The following LRFN2 variants were observed in gnomAD, a reference collection of about 807,000 sequenced individuals.
The protein encoded by LRFN2 is leucine rich repeat and fibronectin type III domain containing 2.
In LRFN2, 18 loss-of-function variants were observed where a neutral mutation model predicts 37.3. That is an observed-to-expected ratio of 0.48 (90% confidence interval 0.33 to 0.72). The LOEUF (loss-of-function observed/expected upper bound fraction) is 0.72. Ranked by LOEUF, LRFN2 falls within the 30% of genes least tolerant of loss-of-function variation. The pLI is 0.02. For synonymous variants in LRFN2, 556 were observed against 466.6 expected, an observed-to-expected ratio of 1.19 and a Z score of -2.47; for missense variants, 1,006 against 1,060.7, an observed-to-expected ratio of 0.95 and a Z score of 0.72.
chr6:40,442,002 C>T (rs1411407253), intron 1 of LRFN2, among the ~76,000 whole-genome samples: 2 of 152,190 alleles, frequency 1.3e-5, no homozygotes, highest in Non-Finnish European at 2.9e-5. Context: ...TTCTCCCTCA[C>T]CCAAGGACTT....
chr6:40,511,308 T>A (rs1036397086), intron 1 of LRFN2, among the ~76,000 whole-genome samples: 3 of 152,200 alleles, frequency 2.0e-5, no homozygotes, highest in African/African-American at 7.2e-5. Context: ...CAGATGCCTT[T>A]GATTAGAAGA....
chr6:40,560,231 G>A (rs750515507), intron 1 of LRFN2, among the ~76,000 whole-genome samples: 4 of 152,026 alleles, frequency 2.6e-5, no homozygotes, highest in Non-Finnish European at 5.9e-5. Flanking sequence ...AGCCACCAAC[G>A]CCTGCACCCA....
chr6:40,447,214 A>C (rs899062633), intron 1 of LRFN2, among the ~76,000 whole-genome samples: 4 of 152,230 alleles, frequency 2.6e-5, no homozygotes, highest in Non-Finnish European at 2.9e-5. Flanking sequence ...AAGTATTTCT[A>C]CTTTTTCTAT....
At chr6:40,514,152 A>C (rs1470149785) in intron 1 of LRFN2, among the ~76,000 whole-genome samples, 1 of 152,124 alleles carries the variant, frequency 6.6e-6, no homozygotes, top group Non-Finnish European at 1.5e-5. Context: ...CCTGAACAGC[A>C]TTCCCAAGGA....
chr6:40,498,598 C>T (rs1473441423), intron 1 of LRFN2, among the ~76,000 whole-genome samples: 1 of 152,210 alleles, frequency 6.6e-6, no homozygotes, highest in African/African-American at 2.4e-5. Flanking sequence ...CAAGGACACT[C>T]GTTCTCACAC....
rs1763513826 is a variant in LRFN2 at position 40,432,189 on chromosome 6, T to C, written c.925A>G (p.Lys309Glu). 1.2e-6 allele frequency: 2 copies of C among 1,613,794 alleles called. No homozygotes were observed. Among genetic ancestry groups the C allele is most frequent in the Non-Finnish European group, 1.7e-6 (2 of 1,180,020 alleles). The part of the protein sequence containing the change: ...LVLEGQAATL[K>E]CKAIGDPSPL... ...CTGGGGTCCCCAATGGCTTTGCACT[T>C]GAGTGTGGCCGCCTGGCCCTCCAGA... Residue 309 changes from lysine to glutamate, a missense_variant, in exon 2 of 3, where the codon AAG becomes GAG. Lys to Glu is a moderately conservative substitution (Grantham distance 56, BLOSUM62 1). Transcript: ENST00000338305.
intron 1 of LRFN2, among the ~76,000 whole-genome samples, chr6:40,514,563 C>G (rs1179287502): frequency 6.6e-6 from 1 of 152,162 alleles, no homozygotes; most frequent in Non-Finnish European, 1.5e-5. Context: ...GATCTGCCCG[C>G]CTTGGCCTCC....
chr6:40,577,061 G>A (rs763359770), intron 1 of LRFN2, among the ~76,000 whole-genome samples: 19 of 88,932 alleles, frequency 2.1e-4, no homozygotes, highest in Non-Finnish European at 4.2e-4. Flanking sequence ...CCTCTTCTGG[G>A]TCCTGGTCCA....
intron 1 of LRFN2, among the ~76,000 whole-genome samples, chr6:40,550,867 C>T (rs888556036): frequency 6.6e-6 from 1 of 152,142 alleles, no homozygotes; most frequent in African/African-American, 2.4e-5. Context: ...AAGTAAAACT[C>T]CACAGCGTCT....
chr6:40,538,715 G>A (rs150060715), intron 1 of LRFN2, among the ~76,000 whole-genome samples: 1 of 152,316 alleles, frequency 6.6e-6, no homozygotes. Context: ...GACGCAGGGC[G>A]TCCTCTCAGC....
chr6:40,529,402 A>T (rs1444572744), intron 1 of LRFN2, among the ~76,000 whole-genome samples: 1 of 152,212 alleles, frequency 6.6e-6, no homozygotes, highest in South Asian at 2.1e-4. Flanking sequence ...GCTTACTTAA[A>T]TTTGTGGACC....
At chr6:40,406,922 T>C (rs1561841611) in intron 2 of LRFN2, among the ~76,000 whole-genome samples, 1 of 152,222 alleles carries the variant, frequency 6.6e-6, no homozygotes, top group Non-Finnish European at 1.5e-5. Flanking sequence ...CCCTTCTCTT[T>C]GGGGGTTCTC....
At chr6:40,560,707 T>C (rs1766976660) in intron 1 of LRFN2, among the ~76,000 whole-genome samples, 2 of 152,184 alleles carry the variant, frequency 1.3e-5, no homozygotes, top group Admixed American at 1.3e-4. Flanking sequence ...CAGGATAGAA[T>C]AGGACAGAGC....
intron 2 of LRFN2, among the ~76,000 whole-genome samples, chr6:40,418,711 G>A (rs1466510047): frequency 2.0e-5 from 3 of 152,086 alleles, no homozygotes; most frequent in Non-Finnish European, 4.4e-5. Flanking sequence ...TGCAAGTCAC[G>A]CCACCTCCCT....
intron 1 of LRFN2, among the ~76,000 whole-genome samples, chr6:40,456,717 C>T (rs922351888): frequency 6.6e-6 from 1 of 152,166 alleles, no homozygotes; most frequent in Admixed American, 6.5e-5. Flanking sequence ...TGAGGGCTCT[C>T]CATAGTTACA....
intron 1 of LRFN2, among the ~76,000 whole-genome samples, chr6:40,522,295 TG>T (rs1775712660): frequency 6.6e-6 from 1 of 151,984 alleles, no homozygotes; most frequent in Admixed American, 6.6e-5. Flanking sequence ...CCCAGGAAGG[TG>T]GACAACAGCA....
chr6:40,483,721 G>A (rs1448145306), intron 1 of LRFN2, among the ~76,000 whole-genome samples: 1 of 152,116 alleles, frequency 6.6e-6, no homozygotes, highest in Non-Finnish European at 1.5e-5. Context: ...ATGAGAAGGG[G>A]GAAGGAAGAT....
intron 1 of LRFN2, among the ~76,000 whole-genome samples, chr6:40,479,497 T>G (rs758375225): frequency 2.0e-5 from 3 of 152,238 alleles, no homozygotes; most frequent in East Asian, 1.9e-4. Flanking sequence ...CTACTTCTGC[T>G]AAGTTACCAC....
rs140732734 is a variant in LRFN2, at chr6:40,401,501, G to A, written c.1401-8589C>T. 5.4e-4 allele frequency among the ~76,000 whole-genome samples: 82 copies of A among 152,280 alleles called. 1 individual carries two copies. The East Asian group carries it at 0.012, about 22-fold the overall frequency. ...AGGTCTCCTGATAACCTGGCACACC[G>A]CTCTGGACTGTTAGGAAAGTGAGAA... On this transcript the variant is annotated intron_variant, in intron 2 of 2. Coordinates refer to ENST00000338305, the MANE Select transcript of LRFN2 (RefSeq NM_020737.3).
Sources: gnomAD v4.1 joint callset for allele counts (sites outside exome capture counted in the v4.1 genomes callset) on GRCh38, gnomAD v4.1.1 for gene constraint, MANE v1.5 for transcripts, NCBI Gene and HGNC (gene_info 2026-07-23, HGNC 2026-07-21) for gene names.